QSER1: variants seen among roughly 807,000 people sequenced by gnomAD.
QSER1 encodes the protein glutamine and serine rich 1.
QSER1 carries 49 observed loss-of-function variants against 158.5 expected under a neutral mutation model. The ratio of observed to expected loss-of-function variants is 0.31; its 90% confidence interval spans 0.25 to 0.39. QSER1 has a LOEUF of 0.39. QSER1 is among the 10% of genes least tolerant of loss of function. The pLI is 1.00. For missense variants in QSER1, 1,754 were observed against 2,010.3 expected, an observed-to-expected ratio of 0.87 and a Z score of 2.44; for synonymous variants, 650 against 715.5, an observed-to-expected ratio of 0.91 and a Z score of 1.46.
At chr11:32,944,541 T>C (rs374893455) in intron 4 of QSER1, among the ~76,000 whole-genome samples, 1 of 152,086 alleles carries the variant, frequency 6.6e-6, no homozygotes, top group South Asian at 2.1e-4. Flanking sequence ...TGTAGTTGAG[T>C]GGTTTTGAGT....
In QSER1 at chr11:32,904,599, C is replaced by A. The variant is rs921950946; in HGVS notation, c.209+11265C>A. On this transcript the variant is annotated intron_variant, in intron 1 of 12. Coordinates refer to ENST00000650167, the MANE Select transcript of QSER1 (RefSeq NM_001076786.3). Reference sequence around the variant, plus strand: ...TGTGGGCCTGGTTTCAGCATATCCACTCTTTTTTTTTTTTTTTTTTTTGCA... The same window carrying A: ...TGTGGGCCTGGTTTCAGCATATCCAATCTTTTTTTTTTTTTTTTTTTTGCA... 4.3e-5 allele frequency among the ~76,000 whole-genome samples: 6 copies of A among 140,986 alleles called. No homozygotes were observed. In the South Asian group the frequency reaches 1.3e-3, roughly 31 times the overall value. The allele number at this position is 140,986 out of a possible 152,430, so 92.5% of individuals were successfully genotyped here. A position where few individuals can be genotyped will look rare whatever the true frequency, so the allele number is the denominator to read the frequency against.
intron 1 of QSER1, among the ~76,000 whole-genome samples, chr11:32,903,166 C>T (rs1851646578): frequency 6.6e-6 from 1 of 151,978 alleles, no homozygotes; most frequent in Non-Finnish European, 1.5e-5. Context: ...ATCATTTTCC[C>T]AGAGCATACT....
chr11:32,935,534 G>A lies in QSER1; in HGVS notation c.4177+99G>A. The A allele has an allele frequency of 4.4e-6, 4 of 906,218 alleles. No homozygotes were observed. The South Asian group carries it at 7.6e-5, about 17-fold the overall frequency. The allele number at this position is 906,218 out of a possible 1,614,324, so 56.1% of individuals were successfully genotyped here. ...TTTTTCACTTAAAGCAGGTCTGCAA[G>A]TACATTTTCAGGACAAAATGTATAG... On this transcript the variant is annotated intron_variant, in intron 4 of 12. Transcript: ENST00000650167.
intron 6 of QSER1, among the ~76,000 whole-genome samples, chr11:32,955,670 A>G (rs1470191740): frequency 1.3e-5 from 2 of 152,144 alleles, no homozygotes; most frequent in African/African-American, 2.4e-5. Flanking sequence ...ATGTTAGCCT[A>G]TGAAGAGTTC....
chr11:32,908,893 T>C (rs10835991), intron 1 of QSER1, among the ~76,000 whole-genome samples: 35,684 of 152,112 alleles, frequency 0.23, 5,272 homozygotes, highest in African/African-American at 0.41. Context: ...GGCACAGTGA[T>C]TCACGCCTGT....
intron 1 of QSER1, among the ~76,000 whole-genome samples, chr11:32,899,697 G>A (rs1181671043): frequency 6.6e-6 from 1 of 151,680 alleles, no homozygotes; most frequent in Non-Finnish European, 1.5e-5. Context: ...GAAAGAACTT[G>A]TGATCTGGAG....
At chr11:32,926,774 G>C (rs910643416) in intron 1 of QSER1, 2 of 152,024 alleles carry the variant, frequency 1.3e-5, no homozygotes, top group Non-Finnish European at 2.9e-5. Flanking sequence ...TTTTTATACA[G>C]ATGAAATTAG....
At position 32,893,548 on chromosome 11, in the gene QSER1, C is replaced by T. The variant is rs1208002032; in HGVS notation, c.209+214C>T. ...GTGCAGGATTCGCGCCTGGGGACGG[C>T]GGGTGAAGGAATAGCTGGGCGGGAG... is the stretch of plus-strand genomic sequence containing the variant. On this transcript the variant is annotated intron_variant, in intron 1 of 12. Coordinates refer to ENST00000650167, the MANE Select transcript of QSER1 (RefSeq NM_001076786.3). This position sits in a 1 kb window ranked among gnomAD's most constrained non-coding sequence, Gnocchi z 4.7. 1.3e-5 allele frequency among the ~76,000 whole-genome samples: 2 copies of T among 152,056 alleles called. No homozygotes were observed. Among genetic ancestry groups the T allele is most frequent in the African/African-American group, 4.8e-5 (2 of 41,396 alleles).
Position 32,976,540 on chromosome 11 carries a change from T to TAATC in QSER1, c.*68_*71dup. 6.5e-7 allele frequency: 1 copy of TAATC among 1,548,214 alleles called. No homozygotes were observed. The highest frequency in any genetic ancestry group is 1.4e-5 in the African/African-American group (1 of 72,362). Reference sequence around the variant, plus strand: ...ATGGCAGATATGGGGTGGTCAAAGATAATCAGATGTCAAGTAGTGGCCTTC... The same window carrying TAATC: ...ATGGCAGATATGGGGTGGTCAAAGATAATCAATCAGATGTCAAGTAGTGGCCTTC... On this transcript the variant is annotated 3_prime_UTR_variant, in exon 13 of 13. Transcript: ENST00000650167.
intron 10 of QSER1, among the ~76,000 whole-genome samples, chr11:32,971,429 A>C (rs1424815997): frequency 6.6e-6 from 1 of 152,190 alleles, no homozygotes; most frequent in Non-Finnish European, 1.5e-5. Flanking sequence ...ACTTCAGATC[A>C]TCTTAAGCAT....
chr11:32,938,061 G>T (rs1852178755), intron 4 of QSER1, among the ~76,000 whole-genome samples: 1 of 152,168 alleles, frequency 6.6e-6, no homozygotes, highest in Non-Finnish European at 1.5e-5. Flanking sequence ...ATTAGAAAGT[G>T]AGTTCCTTCA....
rs114874083 is a variant in QSER1 at position 32,929,103 on chromosome 11, T to C, written c.484+980T>C. On this transcript the variant is annotated intron_variant, in intron 3 of 12. Coordinates refer to ENST00000650167, the MANE Select transcript of QSER1 (RefSeq NM_001076786.3). ...TTTAAAGTTTTTGTGGTTTTTTAGG[T>C]TTCAATTTTGTTTTGTTTTGTTTTT... Among the ~76,000 whole-genome samples the C allele has an allele frequency of 8.7e-3, 1,327 of 152,112 alleles. 18 individuals are homozygous for C. The highest frequency in any genetic ancestry group is 0.029 in the African/African-American group (1,200 of 41,490).
At position 32,964,737 on chromosome 11, in the gene QSER1, TATACAC is replaced by T. The variant is rs1455828602; in HGVS notation, c.4970-1561_4970-1556del. Among the ~76,000 whole-genome samples the T allele has an allele frequency of 1.8e-3, 201 of 113,016 alleles. 1 individual carries two copies. Among genetic ancestry groups the T allele is most frequent in the African/African-American group, 6.1e-3 (181 of 29,742 alleles). The allele number at this position is 113,016 out of a possible 152,430, so 74.1% of individuals were successfully genotyped here. A position where few individuals can be genotyped will look rare whatever the true frequency, so the allele number is the denominator to read the frequency against. On this transcript the variant is annotated intron_variant, in intron 8 of 12. Coordinates refer to ENST00000650167, the MANE Select transcript of QSER1 (RefSeq NM_001076786.3). ...AACACCATATATATATATATATATA[TATACAC>T]ACACACACACACACACACACACACA...
chr11:32,976,293 T>A, intron 12 of QSER1, 41 bp from the exon 13 acceptor site: 1 of 1,481,582 alleles, frequency 6.7e-7, no homozygotes, highest in Non-Finnish European at 9.0e-7. Context: ...TTAAATATGA[T>A]GTGATAAGTA....
Position 32,933,546 on chromosome 11 carries a change from GTGT to G in QSER1, c.2294_2296del (p.Val765del), listed in dbSNP as rs904916475. 8 of 1,613,592 alleles carry G rather than the reference GTGT, an allele frequency of 5.0e-6. No individual in the cohort carries two copies. The Admixed American group carries it at 6.7e-5, about 13-fold the overall frequency. On this transcript the variant is annotated inframe_deletion, in exon 4 of 13. Coordinates refer to ENST00000650167, the MANE Select transcript of QSER1 (RefSeq NM_001076786.3). The stretch of plus-strand genomic sequence containing the variant: ...CTGCAAGCATCAAAAAAAGAAGAAA[GTGT>G]TGTTGGTTCAGTGACACAACTTAAC...
In QSER1 at chr11:32,932,058, A is replaced by G. The variant is rs1321731406; in HGVS notation, c.800A>G (p.Gln267Arg). 2 of 1,613,454 alleles carry G rather than the reference A, an allele frequency of 1.2e-6. No homozygotes were observed. The highest frequency in any genetic ancestry group is 4.5e-5 in the East Asian group (2 of 44,884). ...CAGTCTTCAACATACCGCTCAGCTC[A>G]AGAGTCTGCACCCCATCTTTTACAA... ...PPQSSTYRSA[Q>R]ESAPHLLQPQ... is the part of the protein sequence containing the mutation. The change falls in exon 4 of 13, where the codon CAA (glutamine) becomes CGA (arginine). Residue 267 changes from glutamine (Q) to arginine (R), a missense_variant. This residue lies in a region of QSER1 where 1,707 missense variants were observed against 1,919.6 expected (regional missense o/e 0.89). Coordinates refer to ENST00000650167, the MANE Select transcript of QSER1 (RefSeq NM_001076786.3).
intron 8 of QSER1, among the ~76,000 whole-genome samples, chr11:32,960,175 C>T (rs1852596139): frequency 6.6e-6 from 1 of 152,104 alleles, no homozygotes; most frequent in Non-Finnish European, 1.5e-5. Flanking sequence ...CCCAGGAGTT[C>T]AAGACCAACC....
chr11:32,925,818 A>G (rs1418798737), intron 1 of QSER1, among the ~76,000 whole-genome samples: 1 of 152,024 alleles, frequency 6.6e-6, no homozygotes, highest in Non-Finnish European at 1.5e-5. Flanking sequence ...ATGAGCCACC[A>G]CAACAGGCTG....
At chr11:32,972,183 G>A (rs1196738901) in intron 10 of QSER1, among the ~76,000 whole-genome samples, 2 of 151,880 alleles carry the variant, frequency 1.3e-5, no homozygotes, top group Admixed American at 6.6e-5. Flanking sequence ...AAACACTTGC[G>A]CTTATCGAAT....
Sources: allele counts gnomAD v4.1 joint callset (sites outside exome capture counted in the v4.1 genomes callset), GRCh38; gene constraint gnomAD v4.1.1; regional missense constraint gnomAD v4.1.1; non-coding constraint Gnocchi (gnomAD v3.1); transcripts MANE v1.5; gene names NCBI Gene and HGNC (gene_info 2026-07-23, HGNC 2026-07-21).